PPM1L: variants seen among roughly 807,000 people sequenced by gnomAD.
PPM1L encodes protein phosphatase, Mg2+/Mn2+ dependent 1L, also known as protein phosphatase 1L.
Under a neutral mutation model 31.4 loss-of-function variants are expected in PPM1L, and 13 were observed. That is an observed-to-expected ratio of 0.41 (90% CI 0.27 to 0.66). The LOEUF is 0.66. PPM1L is among the 30% of genes least tolerant of loss of function. PPM1L has a pLI of 0.29. For synonymous variants in PPM1L, 184 were observed against 175.4 expected (o/e 1.05, Z -0.39); for missense variants, 326 against 453.7 (o/e 0.72, Z 2.56).
intron 1 of PPM1L, among the ~76,000 whole-genome samples, chr3:160,797,089 A>C (rs1224196331): frequency 6.6e-6 from 1 of 152,186 alleles, no homozygotes; most frequent in Non-Finnish European, 1.5e-5. Context: ...TTTTTAAACA[A>C]ATTGAAGGTT....
chr3:161,025,355 G>A (rs755750546), intron 2 of PPM1L, among the ~76,000 whole-genome samples: 2 of 152,104 alleles, frequency 1.3e-5, no homozygotes, highest in Non-Finnish European at 2.9e-5. Context: ...CTTGAGGCCA[G>A]GAGTTTGAGA....
intron 1 of PPM1L, among the ~76,000 whole-genome samples, chr3:160,935,099 T>C (rs1055677201): frequency 2.0e-5 from 3 of 152,120 alleles, no homozygotes; most frequent in African/African-American, 7.2e-5. Flanking sequence ...TCACAAATCA[T>C]ATAACCCTGG....
intron 2 of PPM1L, among the ~76,000 whole-genome samples, chr3:161,049,320 T>A (rs1039819553): frequency 6.6e-6 from 1 of 151,784 alleles, no homozygotes. Context: ...AAAAAAACCC[T>A]AAAACAAAAA....
intron 2 of PPM1L, among the ~76,000 whole-genome samples, chr3:161,062,299 G>A (rs1719596810): frequency 6.6e-6 from 1 of 151,918 alleles, no homozygotes; most frequent in South Asian, 2.1e-4. Flanking sequence ...ATCCATTCTG[G>A]TTTTTAAAAA....
intron 2 of PPM1L, among the ~76,000 whole-genome samples, chr3:160,984,704 G>C (rs940351572): frequency 6.6e-6 from 1 of 152,170 alleles, no homozygotes; most frequent in Non-Finnish European, 1.5e-5. Context: ...TTACTTAGTA[G>C]AGTGTCAAAT....
intron 1 of PPM1L, among the ~76,000 whole-genome samples, chr3:160,802,497 T>C (rs1359898087): frequency 6.6e-6 from 1 of 152,200 alleles, no homozygotes; most frequent in Non-Finnish European, 1.5e-5. Flanking sequence ...ATTTGATCGT[T>C]AGGAAGAACA....
At chr3:160,782,437 T>C (rs1412995565) in intron 1 of PPM1L, among the ~76,000 whole-genome samples, 1 of 152,250 alleles carries the variant, frequency 6.6e-6, no homozygotes, top group East Asian at 1.9e-4. Context: ...AACTGAGCAC[T>C]GTGCAGATTT....
intron 2 of PPM1L, among the ~76,000 whole-genome samples, chr3:160,983,757 C>G (rs1576761849): frequency 6.6e-6 from 1 of 152,186 alleles, no homozygotes; most frequent in Non-Finnish European, 1.5e-5. Context: ...TAAGTGTCAG[C>G]CAGTCTGAGA....
chr3:161,065,608 G>T (rs759220743), intron 3 of PPM1L, 44 bp downstream of exon 3: 1 of 1,590,950 alleles, frequency 6.3e-7, no homozygotes, highest in South Asian at 1.1e-5. Context: ...TGTCTTGCTG[G>T]TGAACAAGGC....
At chr3:160,834,102 C>A (rs1713616638) in intron 1 of PPM1L, among the ~76,000 whole-genome samples, 1 of 149,364 alleles carries the variant, frequency 6.7e-6, no homozygotes, top group African/African-American at 2.5e-5. Flanking sequence ...CGGTTCACTG[C>A]AAGCTCCGCC....
intron 1 of PPM1L, among the ~76,000 whole-genome samples, chr3:160,772,276 T>A (rs750008787): frequency 2.0e-5 from 3 of 152,194 alleles, no homozygotes; most frequent in African/African-American, 4.8e-5. Flanking sequence ...GATTATGTAA[T>A]GCAAACAGAT....
chr3:160,945,151 A>G (rs540887728), intron 1 of PPM1L, among the ~76,000 whole-genome samples: 3 of 110,246 alleles, frequency 2.7e-5, no homozygotes, highest in Admixed American at 1.0e-4. Flanking sequence ...CTATCTATCT[A>G]TCTCCACTGA....
Position 161,008,289 on chromosome 3 carries a change from C to A in PPM1L, c.574+46379C>A, listed in dbSNP as rs902756106. Among the ~76,000 whole-genome samples, 3 of 152,332 alleles carry A rather than the reference C, an allele frequency of 2.0e-5. No individual in the cohort carries two copies. In the East Asian group the frequency reaches 5.8e-4, roughly 29 times the overall value. On this transcript the variant is annotated intron_variant, in intron 2 of 3. Transcript: ENST00000498165. Reference sequence around the variant, plus strand: ...CCATACCCAGGAGGAAGGAATGCTGCACAGAGCGGCCAAGAAAAATCTGAA... The same window carrying A: ...CCATACCCAGGAGGAAGGAATGCTGAACAGAGCGGCCAAGAAAAATCTGAA...
intron 2 of PPM1L, among the ~76,000 whole-genome samples, chr3:160,985,152 C>T (rs756913976): frequency 3.4e-4 from 51 of 152,112 alleles, no homozygotes; most frequent in Non-Finnish European, 8.8e-5. Flanking sequence ...GGGACTCAGG[C>T]TTTAGTATTT....
chr3:160,944,445 G>A (rs1409051888), intron 1 of PPM1L, among the ~76,000 whole-genome samples: 1 of 150,036 alleles, frequency 6.7e-6, no homozygotes, highest in Admixed American at 6.7e-5. Context: ...ATAATGTCTG[G>A]GTGTATTTTT....
At position 161,020,130 on chromosome 3, in the gene PPM1L, A is replaced by G. The variant is rs1032519164; in HGVS notation, c.575-45273A>G. On this transcript the variant is annotated intron_variant, in intron 2 of 3. Transcript: ENST00000498165. ...ACAGAGAGAGACTCCACCTCAAAAAAAAAAAAAAAAAGTTGTACTAAGCCT... is the reference window on the plus strand; with the variant it reads ...ACAGAGAGAGACTCCACCTCAAAAAGAAAAAAAAAAAGTTGTACTAAGCCT... Among the ~76,000 whole-genome samples the G allele has an allele frequency of 1.2e-4, 18 of 152,078 alleles. No individual in the cohort carries two copies. In the East Asian group the frequency reaches 3.5e-3, roughly 29 times the overall value.
At chr3:160,857,855 C>A (rs1711765697) in intron 1 of PPM1L, among the ~76,000 whole-genome samples, 1 of 152,210 alleles carries the variant, frequency 6.6e-6, no homozygotes, top group Non-Finnish European at 1.5e-5. Context: ...CCTTGTCTCT[C>A]AATCTCTTTT....
At chr3:160,953,646 T>C (rs1236353653) in intron 1 of PPM1L, among the ~76,000 whole-genome samples, 1 of 152,242 alleles carries the variant, frequency 6.6e-6, no homozygotes, top group African/African-American at 2.4e-5. Flanking sequence ...TTATCTCTTC[T>C]TGAAGAGAAG....
intron 1 of PPM1L, among the ~76,000 whole-genome samples, chr3:160,814,764 C>A (rs1303563319): frequency 6.7e-6 from 1 of 149,130 alleles, no homozygotes; most frequent in Non-Finnish European, 1.5e-5. Flanking sequence ...TATGTATATA[C>A]CATATATATA....
Sources: allele counts gnomAD v4.1 joint callset (sites outside exome capture counted in the v4.1 genomes callset), GRCh38; gene constraint gnomAD v4.1.1; transcripts MANE v1.5; gene names NCBI Gene and HGNC (gene_info 2026-07-23, HGNC 2026-07-21).